The following SOX5 variants were observed in gnomAD, a reference collection of about 807,000 sequenced individuals.
SOX5 encodes SRY-box transcription factor 5.
SOX5 carries 9 observed loss-of-function variants against 92.0 expected under a neutral mutation model. The observed-to-expected ratio is 0.10, with a 90% CI of 0.06 to 0.17. SOX5 has a LOEUF of 0.17. Ranked by LOEUF, SOX5 falls within the 10% of genes least tolerant of loss-of-function variation. The pLI, the probability that SOX5 is intolerant of heterozygous loss-of-function variation, is 1.00. For missense variants in SOX5, 642 were observed against 944.5 expected (o/e 0.68, Z 4.20); for synonymous variants, 344 against 336.3 (o/e 1.02, Z -0.25).
intron 9 of SOX5, among the ~76,000 whole-genome samples, chr12:23,578,895 A>C (rs1949639775): frequency 6.6e-6 from 1 of 152,200 alleles, no homozygotes; most frequent in Non-Finnish European, 1.5e-5. Flanking sequence ...GCTTGGATCA[A>C]AGATGGCTGT....
rs543005087 is a variant in SOX5, at chr12:23,658,555, C to T, written c.931+6889G>A. Among the ~76,000 whole-genome samples the T allele has an allele frequency of 2.6e-5, 4 of 152,212 alleles. No homozygotes were observed. In the East Asian group the frequency reaches 7.7e-4, roughly 29 times the overall value. On this transcript the variant is annotated intron_variant, in intron 7 of 14. Transcript: ENST00000451604. ...ATCGGTTTATAAACTTCTGGGAAGG[C>T]AGAGGAGAGGGGAAGAGCTGGTCAC... is the stretch of plus-strand genomic sequence containing the variant.
At chr12:24,437,857 T>C (rs1282064471) in intron 1 of SOX5, among the ~76,000 whole-genome samples, 10 of 152,206 alleles carry the variant, frequency 6.6e-5, no homozygotes, top group African/African-American at 1.2e-4. Flanking sequence ...GTTCAACCAT[T>C]GTGGAAGACA....
intron 2 of SOX5, among the ~76,000 whole-genome samples, chr12:23,876,159 C>T (rs755364277): frequency 6.6e-5 from 10 of 152,258 alleles, no homozygotes; most frequent in Non-Finnish European, 8.8e-5. Context: ...GTAAAAGGCA[C>T]TGATAACTTT....
intron 2 of SOX5, 54 bp downstream of exon 2, chr12:23,895,739 G>A (rs1473225600): frequency 1.1e-5 from 13 of 1,230,492 alleles, no homozygotes; most frequent in Non-Finnish European, 1.6e-5. Flanking sequence ...AACTATTAGA[G>A]GAGTAGACTG....
intron 3 of SOX5, among the ~76,000 whole-genome samples, chr12:23,788,455 T>C (rs867066287): frequency 1.3e-5 from 2 of 152,042 alleles, no homozygotes; most frequent in Middle Eastern, 3.2e-3. Flanking sequence ...AACTACGTGC[T>C]TGTAATAGCA....
At chr12:24,440,165 G>C (rs1001490896) in intron 1 of SOX5, among the ~76,000 whole-genome samples, 1 of 152,144 alleles carries the variant, frequency 6.6e-6, no homozygotes, top group African/African-American at 2.4e-5. Context: ...CTGACCCAGT[G>C]CTGGCTCTTA....
At chr12:24,033,919 A>G (rs905929699) in intron 4 of SOX5, among the ~76,000 whole-genome samples, 25 of 152,114 alleles carry the variant, frequency 1.6e-4, no homozygotes, top group African/African-American at 5.5e-4. Context: ...AATGATGCTT[A>G]GTTGGGATTT....
At chr12:23,957,489 G>A (rs1245709824) in intron 4 of SOX5, among the ~76,000 whole-genome samples, 1 of 152,108 alleles carries the variant, frequency 6.6e-6, no homozygotes, top group Admixed American at 6.6e-5. Context: ...ATTGGCGTAG[G>A]GGGGAATAAA....
intron 1 of SOX5, among the ~76,000 whole-genome samples, chr12:24,418,214 G>GT (rs1965351887): frequency 6.6e-6 from 1 of 152,180 alleles, no homozygotes; most frequent in South Asian, 2.1e-4. Flanking sequence ...TAATATTGTG[G>GT]TTTTCTCCTC....
intron 3 of SOX5, among the ~76,000 whole-genome samples, chr12:23,767,804 A>T (rs1340577489): frequency 7.7e-6 from 1 of 129,062 alleles, no homozygotes; most frequent in African/African-American, 3.0e-5. Flanking sequence ...TCAGAAATAA[A>T]TGTTGAATAT....
chr12:23,837,895 ATATATT>A (rs1221572193), intron 3 of SOX5, among the ~76,000 whole-genome samples: 2 of 111,926 alleles, frequency 1.8e-5, no homozygotes, highest in Admixed American at 1.2e-4. Context: ...AATATATAAG[ATATATT>A]TATATTTATA....
intron 6 of SOX5, among the ~76,000 whole-genome samples, chr12:23,720,122 C>T (rs4963559): frequency 0.68 from 102,872 of 152,044 alleles, 35,298 homozygotes; most frequent in East Asian, 0.78. Context: ...CAGAGAAAGT[C>T]TTGCTTTCCT....
chr12:24,276,819 C>A (rs1443167379), intron 3 of SOX5, among the ~76,000 whole-genome samples: 1 of 152,016 alleles, frequency 6.6e-6, no homozygotes, highest in Middle Eastern at 3.2e-3. Context: ...AGAAATTTTT[C>A]TAAAATATGT....
intron 3 of SOX5, among the ~76,000 whole-genome samples, chr12:24,239,560 G>A (rs1334051703): frequency 6.6e-6 from 1 of 152,130 alleles, no homozygotes; most frequent in African/African-American, 2.4e-5. Flanking sequence ...AGCACAACGT[G>A]TGACCAGGTA....
intron 3 of SOX5, among the ~76,000 whole-genome samples, chr12:23,816,537 ATC>A (rs1764944525): frequency 6.6e-6 from 1 of 152,138 alleles, no homozygotes; most frequent in Non-Finnish European, 1.5e-5. Flanking sequence ...GGAGGTTTAC[ATC>A]TAGCAGAAAA....
At chr12:24,387,873 G>C (rs1427074746) in intron 1 of SOX5, among the ~76,000 whole-genome samples, 1 of 152,076 alleles carries the variant, frequency 6.6e-6, no homozygotes, top group African/African-American at 2.4e-5. Context: ...TTCACATGGG[G>C]TTGAATCCCA....
intron 4 of SOX5, among the ~76,000 whole-genome samples, chr12:23,982,564 T>C (rs1391821709): frequency 6.6e-6 from 1 of 152,158 alleles, no homozygotes; most frequent in Non-Finnish European, 1.5e-5. Flanking sequence ...GTAATCGTGC[T>C]TTGGTGACTG....
At chr12:24,547,001 G>T (rs112804594) in intron 1 of SOX5, among the ~76,000 whole-genome samples, 1 of 151,986 alleles carries the variant, frequency 6.6e-6, no homozygotes, top group Non-Finnish European at 1.5e-5. Context: ...ATATGCTCAG[G>T]AAGACACACG....
At chr12:24,038,358 G>C (rs1018842071) in intron 4 of SOX5, among the ~76,000 whole-genome samples, 8 of 152,134 alleles carry the variant, frequency 5.3e-5, no homozygotes, top group Admixed American at 6.5e-5. Flanking sequence ...TAGAAACCAG[G>C]AGTAAAGAGG....
Sources: gnomAD v4.1 joint callset for allele counts (sites outside exome capture counted in the v4.1 genomes callset) on GRCh38, gnomAD v4.1.1 for gene constraint, MANE v1.5 for transcripts, NCBI Gene and HGNC (gene_info 2026-07-23, HGNC 2026-07-21) for gene names.